GTPBP1: variants seen among roughly 807,000 people sequenced by gnomAD.
GTPBP1 encodes the protein GTP-binding protein 1.
Under a neutral mutation model 62.0 loss-of-function variants are expected in GTPBP1, and 23 were observed. That is an observed-to-expected ratio of 0.37 (90% CI 0.27 to 0.53). The LOEUF (loss-of-function observed/expected upper bound fraction) is 0.53, where lower values mean the gene tolerates loss of function less well. Among genes scored for constraint, GTPBP1 ranks in the 20% least tolerant of loss-of-function variants. The pLI is 0.89. For synonymous variants in GTPBP1, 344 were observed against 364.4 expected, an observed-to-expected ratio of 0.94 and a Z score of 0.64; for missense variants, 640 against 917.3, an observed-to-expected ratio of 0.70 and a Z score of 3.90.
At chr22:38,715,045 TTTCTGAG>T (rs1320602609) in intron 2 of GTPBP1, among the ~76,000 whole-genome samples, 3 of 152,164 alleles carry the variant, frequency 2.0e-5, no homozygotes, top group Non-Finnish European at 4.4e-5. Flanking sequence ...CTCTAAAATG[TTTCTGAG>T]TTCCTCCCCC....
downstream of GTPBP1, chr22:38,742,167 AAG>A (rs1208083816): frequency 8.4e-6 from 10 of 1,184,842 alleles, no homozygotes; most frequent in South Asian, 3.4e-5. Context: ...AAAAGAAAAA[AAG>A]AGAAAGGGAG....
downstream of GTPBP1, chr22:38,738,408 T>A: frequency 9.1e-7 from 1 of 1,104,436 alleles, no homozygotes; most frequent in Non-Finnish European, 1.3e-6. This position sits in a 1 kb window ranked among gnomAD's most constrained non-coding sequence, Gnocchi z 6.6. Context: ...TGCCACAGTT[T>A]CTGCCTCCAA....
chr22:38,708,821 T>G, intron 1 of GTPBP1, 24 bp from the exon 2 acceptor site: 1 of 1,319,776 alleles, frequency 7.6e-7, no homozygotes, highest in Middle Eastern at 1.8e-4. Flanking sequence ...AGTGTGGTCC[T>G]AAGGCTGTTG....
At chr22:38,738,638 G>C (rs112637685), downstream of GTPBP1, 2 of 1,613,932 alleles carry the variant, frequency 1.2e-6, no homozygotes, top group African/African-American at 2.7e-5. This position sits in a 1 kb window ranked among gnomAD's most constrained non-coding sequence, Gnocchi z 6.6. Flanking sequence ...TGGGTGACAA[G>C]GCCTTGGGCA....
rs996404282 is a variant in GTPBP1 at position 38,732,390 on chromosome 22, C to T, written c.*1686C>T. ...TTCCCAGTCAGGCAGGCATGGCTTC[C>T]GTGTTCAGGCTCCCTCACCAGCTGG... On this transcript the variant is annotated 3_prime_UTR_variant, in exon 12 of 12. Coordinates refer to ENST00000216044, the MANE Select transcript of GTPBP1 (RefSeq NM_004286.5). 6.6e-6 allele frequency: 1 copy of T among 152,472 alleles called. No individual in the cohort carries two copies. Among genetic ancestry groups the T allele is most frequent in the East Asian group, 1.9e-4 (1 of 5,184 alleles). The allele number at this position is 152,472 out of a possible 1,614,324, so 9.4% of individuals were successfully genotyped here.
rs537000739 is a variant in GTPBP1 at position 38,733,163 on chromosome 22, G to A, written c.*2459G>A. 4 of 152,300 alleles carry A rather than the reference G, an allele frequency of 2.6e-5. No individual in the cohort carries two copies. The East Asian group carries it at 7.7e-4, about 29-fold the overall frequency. The allele number at this position is 152,300 out of a possible 1,614,324, so 9.4% of individuals were successfully genotyped here. A position where few individuals can be genotyped will look rare whatever the true frequency, so the allele number is the denominator to read the frequency against. On this transcript the variant is annotated 3_prime_UTR_variant, in exon 12 of 12. Transcript: ENST00000216044. ...CTGCTTCACTCCTGCTCTTTGTCCC[G>A]ACTCTGGCCCTGCTTACAGGGGCCA...
chr22:38,712,528 A>G (rs1191859025), intron 2 of GTPBP1, among the ~76,000 whole-genome samples: 2 of 152,194 alleles, frequency 1.3e-5, no homozygotes, highest in Non-Finnish European at 2.9e-5. Context: ...AGGAGAATAC[A>G]TATAAGAAAA....
chr22:38,724,361 G>A lies in GTPBP1; in HGVS notation c.1023G>A (p.Val341=), dbSNP rs368671195. The change falls in exon 6 of 12, where the codon GTG becomes GTA. Residue 341 remains valine (V), a synonymous_variant. Transcript: ENST00000216044. ...GCTGCCGGAAGATCCCCGTGCTGGT[G>A]CAGAGCAAAGATGATGTGATTGTCA... The part of the protein sequence containing the change: ...SPGCRKIPVL[V]QSKDDVIVTA... 1.5e-5 allele frequency: 24 copies of A among 1,613,492 alleles called. No individual in the cohort carries two copies. The African/African-American group carries it at 3.1e-4, about 21-fold the overall frequency.
downstream of GTPBP1, chr22:38,742,525 A>G: frequency 6.2e-7 from 1 of 1,612,996 alleles, no homozygotes; most frequent in Non-Finnish European, 8.5e-7. Flanking sequence ...CGCTCCAGAG[A>G]GTGTACCCGG....
chr22:38,709,223 C>T (rs1048949248), intron 2 of GTPBP1, among the ~76,000 whole-genome samples: 1 of 151,818 alleles, frequency 6.6e-6, no homozygotes, highest in Non-Finnish European at 1.5e-5. Context: ...ACCTGGGAGG[C>T]GGAGGTTGCA....
In GTPBP1 at chr22:38,726,503, G is replaced by T; in HGVS notation, c.1401+63G>T. 1 of 1,407,720 alleles carries T rather than the reference G, an allele frequency of 7.1e-7. No individual in the cohort carries two copies. The highest frequency in any genetic ancestry group is 1.0e-6 in the Non-Finnish European group (1 of 1,003,890). 87.2% of individuals were successfully genotyped at this position (1,407,720 alleles called of 1,614,324 possible). On this transcript the variant is annotated intron_variant, in intron 8 of 11. Coordinates refer to ENST00000216044, the MANE Select transcript of GTPBP1 (RefSeq NM_004286.5). The surrounding 1 kb of genome is among the most constrained non-coding windows in gnomAD (Gnocchi z 4.1). The stretch of plus-strand genomic sequence containing the variant: ...CATCATGCTAGGCTCTTGGCCAGAT[G>T]CCCTGCTCACCCACTCTAGTCCTCA...
At chr22:38,708,992 A>G in intron 2 of GTPBP1, 36 bp downstream of exon 2, 1 of 1,326,018 alleles carries the variant, frequency 7.5e-7, no homozygotes, top group Non-Finnish European at 1.1e-6. Flanking sequence ...ATTTTTAAAA[A>G]TTATTGGGCC....
At chr22:38,741,551 T>C, downstream of GTPBP1, 1 of 1,614,046 alleles carries the variant, frequency 6.2e-7, no homozygotes, top group Non-Finnish European at 8.5e-7. Context: ...GATGCTCTGC[T>C]CTCAGGGCAG....
At chr22:38,735,117 A>G (rs771590276), downstream of GTPBP1, 80 of 392,882 alleles carry the variant, frequency 2.0e-4, no homozygotes, top group Non-Finnish European at 3.9e-4. Flanking sequence ...AAATATATAC[A>G]TAATACAGTG....
At chr22:38,740,386 G>A (rs534367476), downstream of GTPBP1, 47 of 1,573,768 alleles carry the variant, frequency 3.0e-5, no homozygotes, top group Middle Eastern at 5.0e-4. This position sits in a 1 kb window ranked among gnomAD's most constrained non-coding sequence, Gnocchi z 4.8. Flanking sequence ...TCCTCCAGCC[G>A]CCTCAGCTCC....
downstream of GTPBP1, chr22:38,735,516 C>T: frequency 3.7e-6 from 1 of 273,952 alleles, no homozygotes; most frequent in East Asian, 1.2e-4. Flanking sequence ...GAACAGGGAG[C>T]AGGGTGGGCC....
downstream of GTPBP1, chr22:38,740,821 C>T (rs1395857405): frequency 3.1e-6 from 2 of 651,888 alleles, no homozygotes; most frequent in Non-Finnish European, 5.3e-6. The surrounding 1 kb of genome is among the most constrained non-coding windows in gnomAD (Gnocchi z 4.8). Context: ...CCCCTGCTAA[C>T]CTCCATGGCA....
intron 2 of GTPBP1, among the ~76,000 whole-genome samples, chr22:38,711,518 T>A (rs907119381): frequency 1.3e-5 from 2 of 152,230 alleles, no homozygotes; most frequent in African/African-American, 4.8e-5. Context: ...AGTAATAATT[T>A]TTTTAAGGGT....
downstream of GTPBP1, chr22:38,736,460 C>T: frequency 8.1e-7 from 1 of 1,232,736 alleles, no homozygotes; most frequent in Non-Finnish European, 1.1e-6. Context: ...GGGGAGACAG[C>T]CTCGCCTAGG....
Sources: allele counts gnomAD v4.1 joint callset (sites outside exome capture counted in the v4.1 genomes callset), GRCh38; gene constraint gnomAD v4.1.1; non-coding constraint Gnocchi (gnomAD v3.1); transcripts MANE v1.5; gene names NCBI Gene and HGNC (gene_info 2026-07-23, HGNC 2026-07-21).